GNG12: variants seen among roughly 807,000 people sequenced by gnomAD.
GNG12 encodes the protein guanine nucleotide-binding protein G(I)/G(S)/G(O) subunit gamma-12.
For missense variants in GNG12, 69 were observed against 83.8 expected, an observed-to-expected ratio of 0.82 and a Z score of 0.69; for synonymous variants, 28 against 29.7, an observed-to-expected ratio of 0.94 and a Z score of 0.19.
intron 2 of GNG12, among the ~76,000 whole-genome samples, chr1:67,709,902 T>G (rs534989504): frequency 1.0e-5 from 1 of 99,984 alleles, no homozygotes; most frequent in Non-Finnish European, 1.8e-5. Flanking sequence ...ATATATATAT[T>G]TTTATATAGT....
intron 2 of GNG12, among the ~76,000 whole-genome samples, chr1:67,775,094 G>A (rs185208593): frequency 5.3e-5 from 8 of 152,268 alleles, no homozygotes; most frequent in Admixed American, 4.6e-4. Flanking sequence ...GCAGGCTACT[G>A]CCCTTTTCGG....
Position 67,702,218 on chromosome 1 carries a change from A to T in GNG12, c.*3233T>A, listed in dbSNP as rs1003353901. 1 of 152,232 alleles carries T rather than the reference A, an allele frequency of 6.6e-6. No homozygotes were observed. Among genetic ancestry groups the T allele is most frequent in the Admixed American group, 6.5e-5 (1 of 15,290 alleles). 9.4% of individuals were successfully genotyped at this position (152,232 alleles called of 1,614,324 possible). On this transcript the variant is annotated 3_prime_UTR_variant, in exon 4 of 4. Transcript: ENST00000370982. ...CCATTAACAGGTCTACCATAAAAGA[A>T]AGCAATAAAACCCATAATGTACTCT...
intron 2 of GNG12, among the ~76,000 whole-genome samples, chr1:67,713,506 A>G (rs1646308105): frequency 6.6e-6 from 1 of 152,132 alleles, no homozygotes; most frequent in Non-Finnish European, 1.5e-5. Flanking sequence ...GGATGGAAAG[A>G]GTGTCACAGA....
At chr1:67,833,307 C>A (rs1023188666) in intron 1 of GNG12, 37 bp downstream of exon 1, 333 of 857,880 alleles carry the variant, frequency 3.9e-4, no homozygotes, top group Non-Finnish European at 4.6e-4. Context: ...CCCGCGGGGA[C>A]CCGACTCACC....
rs1345974277 is a variant in GNG12 at position 67,705,345 on chromosome 1, T to C, written c.*106A>G. 4.0e-6 allele frequency: 6 copies of C among 1,492,080 alleles called. No homozygotes were observed. The East Asian group carries it at 1.2e-4, about 29-fold the overall frequency. The allele number at this position is 1,492,080 out of a possible 1,614,324, so 92.4% of individuals were successfully genotyped here. On this transcript the variant is annotated 3_prime_UTR_variant, in exon 4 of 4. Coordinates refer to ENST00000370982, the MANE Select transcript of GNG12 (RefSeq NM_018841.6). Reference sequence around the variant, plus strand: ...TCCATTATTCCAAGCTGAGAACATTTTAGTTATTAGCAGTGGTTACCAAAT... The same window carrying C: ...TCCATTATTCCAAGCTGAGAACATTCTAGTTATTAGCAGTGGTTACCAAAT...
intron 1 of GNG12, among the ~76,000 whole-genome samples, chr1:67,795,612 C>T (rs528960727): frequency 6.6e-6 from 1 of 152,298 alleles, no homozygotes; most frequent in East Asian, 1.9e-4. Flanking sequence ...CAGAGAGTCC[C>T]ATTCCAGAAG....
chr1:67,829,413 T>A (rs1647030566), intron 1 of GNG12, among the ~76,000 whole-genome samples: 1 of 152,232 alleles, frequency 6.6e-6, no homozygotes, highest in Non-Finnish European at 1.5e-5. Flanking sequence ...ATTCTCTTAC[T>A]TTTTAAGTAC....
intron 1 of GNG12, among the ~76,000 whole-genome samples, chr1:67,823,910 T>C (rs973053401): frequency 3.3e-5 from 5 of 152,200 alleles, no homozygotes; most frequent in African/African-American, 9.7e-5. Flanking sequence ...GCAGTAGAGA[T>C]TGGTCAAATA....
At chr1:67,802,811 T>C (rs1008660762) in intron 1 of GNG12, among the ~76,000 whole-genome samples, 9 of 151,776 alleles carry the variant, frequency 5.9e-5, no homozygotes, top group Admixed American at 5.2e-4. Context: ...GGTTTCCTGC[T>C]ATAGCAAAGC....
intron 1 of GNG12, among the ~76,000 whole-genome samples, chr1:67,818,995 T>A (rs1323364148): frequency 6.6e-6 from 1 of 152,136 alleles, no homozygotes; most frequent in East Asian, 1.9e-4. Flanking sequence ...TTTTCTATTG[T>A]CTATGAGTTC....
At chr1:67,744,368 C>T (rs968824416) in intron 2 of GNG12, among the ~76,000 whole-genome samples, 9 of 152,108 alleles carry the variant, frequency 5.9e-5, no homozygotes, top group Admixed American at 3.9e-4. Context: ...AACTGCTGTC[C>T]GCAACTCCAG....
chr1:67,833,269 T>A (rs1196131625), intron 1 of GNG12, 75 bp downstream of exon 1: 1 of 445,192 alleles, frequency 2.2e-6, no homozygotes, highest in Non-Finnish European at 3.0e-6. Flanking sequence ...CCGAACTCGC[T>A]GGCCGACGCC....
chr1:67,734,751 T>C (rs533478915), intron 2 of GNG12, among the ~76,000 whole-genome samples: 1 of 152,300 alleles, frequency 6.6e-6, no homozygotes, highest in African/African-American at 2.4e-5. Flanking sequence ...TTCAGCCTCC[T>C]GAGTAGCTAG....
intron 2 of GNG12, among the ~76,000 whole-genome samples, chr1:67,758,123 G>A (rs992797436): frequency 2.6e-5 from 4 of 151,964 alleles, no homozygotes; most frequent in East Asian, 3.9e-4. Flanking sequence ...AGGCACCCAC[G>A]ACCACACCCC....
intron 2 of GNG12, among the ~76,000 whole-genome samples, chr1:67,727,421 T>C (rs1339440455): frequency 6.6e-6 from 1 of 152,254 alleles, no homozygotes; most frequent in African/African-American, 2.4e-5. Flanking sequence ...GTGTTTATAT[T>C]ACATGTAGAA....
At chr1:67,797,285 T>C (rs532510855) in intron 1 of GNG12, among the ~76,000 whole-genome samples, 5 of 152,286 alleles carry the variant, frequency 3.3e-5, no homozygotes, top group African/African-American at 1.2e-4. Context: ...GTTCCAAAAT[T>C]ATTTTTCTAC....
intron 1 of GNG12, among the ~76,000 whole-genome samples, chr1:67,792,591 C>T (rs1646807690): frequency 6.6e-6 from 1 of 152,178 alleles, no homozygotes; most frequent in South Asian, 2.1e-4. Context: ...GGCTTTATTA[C>T]CTTTAAAAAA....
intron 2 of GNG12, among the ~76,000 whole-genome samples, chr1:67,744,681 T>C (rs1025852054): frequency 2.6e-5 from 4 of 152,152 alleles, no homozygotes; most frequent in Non-Finnish European, 5.9e-5. Context: ...ATGCAGATGC[T>C]ATTAATATCT....
chr1:67,739,683 T>C (rs1353874315), intron 2 of GNG12, among the ~76,000 whole-genome samples: 1 of 152,208 alleles, frequency 6.6e-6, no homozygotes, highest in Non-Finnish European at 1.5e-5. Context: ...ATCTGACAGA[T>C]GAACTTCAGG....
Sources: allele counts gnomAD v4.1 joint callset (sites outside exome capture counted in the v4.1 genomes callset), GRCh38; gene constraint gnomAD v4.1.1; transcripts MANE v1.5; gene names NCBI Gene and HGNC (gene_info 2026-07-23, HGNC 2026-07-21).